Variants in TRIM33 observed in about 807,000 individuals in gnomAD.
The protein encoded by TRIM33 is tripartite motif containing 33.
A neutral mutation model predicts 125.4 loss-of-function variants in TRIM33; 20 were observed. That is an observed-to-expected ratio of 0.16 (90% CI 0.11 to 0.23). The LOEUF (loss-of-function observed/expected upper bound fraction) is 0.23, where lower values mean the gene tolerates loss of function less well. Ranked by LOEUF, TRIM33 falls within the 10% of genes least tolerant of loss-of-function variation. The pLI, the probability that TRIM33 is intolerant of heterozygous loss-of-function variation, is 1.00. For missense variants in TRIM33, 920 were observed against 1,411.4 expected, an observed-to-expected ratio of 0.65 and a Z score of 5.58; for synonymous variants, 564 against 513.9, an observed-to-expected ratio of 1.10 and a Z score of -1.32.
chr1:114,468,613 G>A, intron 1 of TRIM33: 1 of 417,012 alleles, frequency 2.4e-6, no homozygotes, highest in Non-Finnish European at 4.7e-6. Flanking sequence ...AGGTGTAAAG[G>A]ATCTTAAGAT....
In TRIM33 at chr1:114,393,384, T is replaced by C. The variant is rs2101062760; in HGVS notation, c.*4264A>G. 5.0e-6 allele frequency: 1 copy of C among 201,470 alleles called. No individual in the cohort carries two copies. Among genetic ancestry groups the C allele is most frequent in the South Asian group, 1.9e-4 (1 of 5,254 alleles). 12.5% of individuals were successfully genotyped at this position (201,470 alleles called of 1,614,324 possible). Reference sequence around the variant, plus strand: ...AATTTAGGCCACACTTGAAAGGGAATATTGCAGTGGCACTTACAAAATCAT... The same window carrying C: ...AATTTAGGCCACACTTGAAAGGGAACATTGCAGTGGCACTTACAAAATCAT... On this transcript the variant is annotated 3_prime_UTR_variant, in exon 20 of 20. Transcript: ENST00000358465.
Position 114,510,580 on chromosome 1 carries a change from G to A in TRIM33, c.497C>T (p.Pro166Leu). 2.0e-6 allele frequency: 3 copies of A among 1,528,638 alleles called. No individual in the cohort carries two copies. Among genetic ancestry groups the A allele is most frequent in the Non-Finnish European group, 2.6e-6 (3 of 1,142,246 alleles). The allele number at this position is 1,528,638 out of a possible 1,614,324, so 94.7% of individuals were successfully genotyped here. The stretch of plus-strand genomic sequence containing the variant: ...CTGGATGTCGCCGTTGCTGCCCCCC[G>A]GGATGGGCACGCTGAGCTGGCGCTC... ...EPERQLSVPIPGGSNGDIQQV... is the reference protein window; with the variant it reads ...EPERQLSVPILGGSNGDIQQV... Residue 166 changes from proline (P) to leucine (L), a missense_variant, in exon 1 of 20, where the codon CCG (proline) becomes CTG (leucine). By Grantham distance (98) the Pro-to-Leu change is moderately conservative. Around this residue, in one of 8 missense-constraint regions of TRIM33, gnomAD observed 75 missense variants for 123.9 expected, o/e 0.61. Coordinates refer to ENST00000358465, the MANE Select transcript of TRIM33 (RefSeq NM_015906.4).
chr1:114,486,526 A>G, intron 1 of TRIM33, among the ~76,000 whole-genome samples: 1 of 147,272 alleles, frequency 6.8e-6, no homozygotes, highest in South Asian at 2.2e-4. Flanking sequence ...CAGCCTGGGC[A>G]ACACAGTGGG....
intron 11 of TRIM33, among the ~76,000 whole-genome samples, chr1:114,419,194 C>A (rs1218094631): frequency 1.1e-4 from 14 of 122,492 alleles, no homozygotes; most frequent in Non-Finnish European, 1.5e-4. Flanking sequence ...GAGCTAGACA[C>A]CATCTCAAAA....
At position 114,500,928 on chromosome 1, in the gene TRIM33, C is replaced by T. The variant is rs1387689892; in HGVS notation, c.526+9623G>A. 1.2e-4 allele frequency among the ~76,000 whole-genome samples: 8 copies of T among 65,074 alleles called. 1 individual carries two copies. The highest frequency in any genetic ancestry group is 2.5e-4 in the African/African-American group (3 of 12,036). The allele number at this position is 65,074 out of a possible 152,430, so 42.7% of individuals were successfully genotyped here. A position where few individuals can be genotyped will look rare whatever the true frequency, so the allele number is the denominator to read the frequency against. ...ATTTGGGGCCGGGCGCGGTGGCTCA[C>T]GCCTGTAATCCCAGCACTTTGGGAG... On this transcript the variant is annotated intron_variant, in intron 1 of 19. Transcript: ENST00000358465.
chr1:114,461,217 T>A (rs201804082), intron 4 of TRIM33, among the ~76,000 whole-genome samples: 17,142 of 61,550 alleles, frequency 0.28, 1,713 homozygotes, highest in African/African-American at 0.55. Context: ...TCTTTAAAAA[T>A]ATATATATAT....
chr1:114,510,730 C>A lies in TRIM33; in HGVS notation c.347G>T (p.Gly116Val). ...GGTGTCCAGGAGCGAGGCTGGCGGT[C>A]CAGGAGGCGGCCCTGCCGAGGGACC... ...APGPSAGPPP[G>V]PPASLLDTCA... The change falls in exon 1 of 20, where the codon GGA becomes GTA. Residue 116 changes from glycine (G) to valine (V), a missense_variant. Physicochemically the swap from Gly to Val is moderately radical, Grantham distance 109 (BLOSUM62 -3). Around this residue, in one of 8 missense-constraint regions of TRIM33, gnomAD observed 233 missense variants for 189.6 expected, o/e 1.23. Coordinates refer to ENST00000358465, the MANE Select transcript of TRIM33 (RefSeq NM_015906.4). 3 of 1,531,062 alleles carry A rather than the reference C, an allele frequency of 2.0e-6. No homozygotes were observed. Among genetic ancestry groups the A allele is most frequent in the East Asian group, 4.9e-5 (2 of 40,654 alleles). The allele number at this position is 1,531,062 out of a possible 1,614,324, so 94.8% of individuals were successfully genotyped here.
At chr1:114,438,977 T>G (rs1440187325) in intron 4 of TRIM33, among the ~76,000 whole-genome samples, 1 of 152,012 alleles carries the variant, frequency 6.6e-6, no homozygotes, top group Admixed American at 6.6e-5. Context: ...GTGAGGAAAA[T>G]CTGAAAGGGT....
rs1651528769 is a variant in TRIM33, at chr1:114,396,084, A to C, written c.*1564T>G. Reference sequence around the variant, plus strand: ...TTTGCCACAAATCTGCTGACTTCTGAAAAATATCTAACAGCAAATTCTTCT... The same window carrying C: ...TTTGCCACAAATCTGCTGACTTCTGCAAAATATCTAACAGCAAATTCTTCT... On this transcript the variant is annotated 3_prime_UTR_variant, in exon 20 of 20. Transcript: ENST00000358465. 1 of 200,458 alleles carries C rather than the reference A, an allele frequency of 5.0e-6. No individual in the cohort carries two copies. The highest frequency in any genetic ancestry group is 2.3e-5 in the African/African-American group (1 of 43,464). 12.4% of individuals were successfully genotyped at this position (200,458 alleles called of 1,614,324 possible). A position where few individuals can be genotyped will look rare whatever the true frequency, so the allele number is the denominator to read the frequency against.
intron 1 of TRIM33, chr1:114,490,925 T>G (rs933373659): frequency 6.6e-6 from 1 of 152,164 alleles, no homozygotes; most frequent in African/African-American, 2.4e-5. Flanking sequence ...CATCGTATAT[T>G]TCGATTTGTA....
At chr1:114,454,410 G>T (rs764963356) in intron 4 of TRIM33, among the ~76,000 whole-genome samples, 1 of 152,152 alleles carries the variant, frequency 6.6e-6, no homozygotes, top group Non-Finnish European at 1.5e-5. Flanking sequence ...AGTAGGCCAG[G>T]CATGGTGGCT....
chr1:114,499,990 A>C (rs1652613353), intron 1 of TRIM33, among the ~76,000 whole-genome samples: 1 of 152,186 alleles, frequency 6.6e-6, no homozygotes, highest in South Asian at 2.1e-4. Flanking sequence ...AACATGGTGA[A>C]ATCCTGTCTC....
At chr1:114,494,442 A>G (rs1033339041) in intron 1 of TRIM33, among the ~76,000 whole-genome samples, 1 of 152,210 alleles carries the variant, frequency 6.6e-6, no homozygotes, top group African/African-American at 2.4e-5. Flanking sequence ...CCAGCTTCGT[A>G]TACTTATTTA....
At chr1:114,453,389 A>T (rs1258158917) in intron 4 of TRIM33, among the ~76,000 whole-genome samples, 1 of 151,336 alleles carries the variant, frequency 6.6e-6, no homozygotes, top group Non-Finnish European at 1.5e-5. Context: ...AGATACAAAG[A>T]GGTGAACTCG....
In TRIM33 at chr1:114,394,506, TA is replaced by T. The variant is rs1651442488; in HGVS notation, c.*3141del. The stretch of plus-strand genomic sequence containing the variant: ...CACTTATAAACCTTTTACTTCTATT[TA>T]AAAGCATTATTTATTTCAATTAACT... On this transcript the variant is annotated 3_prime_UTR_variant, in exon 20 of 20. Coordinates refer to ENST00000358465, the MANE Select transcript of TRIM33 (RefSeq NM_015906.4). 1 of 212,910 alleles carries T rather than the reference TA, an allele frequency of 4.7e-6. No individual in the cohort carries two copies. The highest frequency in any genetic ancestry group is 5.9e-5 in the Admixed American group (1 of 17,090). 13.2% of individuals were successfully genotyped at this position (212,910 alleles called of 1,614,324 possible). A position where few individuals can be genotyped will look rare whatever the true frequency, so the allele number is the denominator to read the frequency against.
At chr1:114,462,119 GT>G (rs1263668287) in intron 4 of TRIM33, among the ~76,000 whole-genome samples, 1 of 152,138 alleles carries the variant, frequency 6.6e-6, no homozygotes, top group East Asian at 1.9e-4. Flanking sequence ...CCTTTTGTGA[GT>G]AGGCTCTCTT....
chr1:114,480,555 A>G (rs1651265749), intron 1 of TRIM33, among the ~76,000 whole-genome samples: 1 of 151,566 alleles, frequency 6.6e-6, no homozygotes, highest in African/African-American at 2.4e-5. Context: ...TCATAATTGC[A>G]AGAGTTAAAA....
chr1:114,427,189 C>T lies in TRIM33; in HGVS notation c.1408G>A (p.Val470Ile), dbSNP rs1454319917. Reference sequence around the variant, plus strand: ...CATTATTTCTCACCTAAATTGACTACATTCTTTGCCCAGAAGGTGGGATCA... The same window carrying T: ...CATTATTTCTCACCTAAATTGACTATATTCTTTGCCCAGAAGGTGGGATCA... The part of the protein sequence containing the change: ...HCDPTFWAKN[V>I]VNLGNLVIES... The change falls in exon 8 of 20, where the codon GTA (valine) becomes ATA (isoleucine). Residue 470 changes from valine (V) to isoleucine (I), a missense_variant. By Grantham distance (29) the Val-to-Ile change is conservative. This residue lies in a region of TRIM33 where 407 missense variants were observed against 589.7 expected (regional missense o/e 0.69). Transcript: ENST00000358465. 3 of 1,557,788 alleles carry T rather than the reference C, an allele frequency of 1.9e-6. No individual in the cohort carries two copies. Among genetic ancestry groups the T allele is most frequent in the Non-Finnish European group, 8.8e-7 (1 of 1,133,672 alleles).
chr1:114,474,060 G>GT (rs1468033484), intron 1 of TRIM33, among the ~76,000 whole-genome samples: 1 of 151,530 alleles, frequency 6.6e-6, no homozygotes, highest in African/African-American at 2.4e-5. Flanking sequence ...CATCACACTC[G>GT]GTTAGTTTGC....
Sources: allele counts gnomAD v4.1 joint callset (sites outside exome capture counted in the v4.1 genomes callset), GRCh38; gene constraint gnomAD v4.1.1; regional missense constraint gnomAD v4.1.1; transcripts MANE v1.5; gene names NCBI Gene and HGNC (gene_info 2026-07-23, HGNC 2026-07-21).